Variants in DOCK8 observed in about 807,000 individuals in gnomAD.
DOCK8 encodes dedicator of cytokinesis 8.
In DOCK8, 141 loss-of-function variants were observed where a neutral mutation model predicts 245.6. That is an observed-to-expected ratio of 0.57 (90% CI 0.50 to 0.66). DOCK8 has a LOEUF of 0.66. Among genes scored for constraint, DOCK8 ranks in the 30% least tolerant of loss-of-function variants. DOCK8 has a pLI of 0.00. For synonymous variants in DOCK8, 1,168 were observed against 970.2 expected (o/e 1.20, Z -3.79); for missense variants, 2,965 against 2,603.4 (o/e 1.14, Z -3.02).
In DOCK8 at chr9:418,183, A is replaced by T. The variant is rs756267297; in HGVS notation, c.3816A>T (p.Thr1272=). Reference sequence around the variant, plus strand: ...CAGGGAATAATTTCAATTTGAAAACAAGTGGAATAGTGCTGTCTTCCTTGG... The same window carrying T: ...CAGGGAATAATTTCAATTTGAAAACTAGTGGAATAGTGCTGTCTTCCTTGG... ...AIAGNNFNLK[T]SGIVLSSLPY... is the part of the protein sequence containing the mutation. The change falls in exon 30 of 48, where the codon ACA becomes ACT. Residue 1272 remains threonine, a synonymous_variant. Coordinates refer to ENST00000432829, the MANE Select transcript of DOCK8 (RefSeq NM_203447.4). The T allele has an allele frequency of 3.7e-6, 6 of 1,614,098 alleles. No homozygotes were observed.
At chr9:285,148 T>G (rs1482044133) in intron 2 of DOCK8, among the ~76,000 whole-genome samples, 2 of 152,102 alleles carry the variant, frequency 1.3e-5, no homozygotes, top group Non-Finnish European at 2.9e-5. Flanking sequence ...ATTTGCAGCT[T>G]CATCCTCACT....
intron 13 of DOCK8, 61 bp from the exon 14 acceptor site, chr9:340,098 T>C: frequency 6.3e-7 from 1 of 1,575,356 alleles, no homozygotes. Context: ...CAACAATCTT[T>C]CTTGATTCCC....
At chr9:400,088 C>T (rs1179508770) in intron 26 of DOCK8, among the ~76,000 whole-genome samples, 14 of 112,260 alleles carry the variant, frequency 1.2e-4, no homozygotes, top group African/African-American at 3.5e-4. Context: ...ACCACCACCT[C>T]CACCATCACC....
chr9:276,756 A>G (rs1171835181), intron 2 of DOCK8, among the ~76,000 whole-genome samples: 2 of 152,238 alleles, frequency 1.3e-5, no homozygotes, highest in Admixed American at 6.5e-5. Flanking sequence ...AAACAAGTCT[A>G]TAATCAGTAC....
intron 33 of DOCK8, among the ~76,000 whole-genome samples, chr9:422,686 G>A (rs545517518): frequency 8.5e-5 from 13 of 152,296 alleles, no homozygotes; most frequent in African/African-American, 3.1e-4. Flanking sequence ...AACAAAGGCA[G>A]GGTAGACACT....
upstream of DOCK8, chr9:214,616 C>A: frequency 6.2e-7 from 1 of 1,613,706 alleles, no homozygotes; most frequent in South Asian, 1.1e-5. Context: ...AGCTTCCGGC[C>A]TGCGCGCAGT....
intron 31 of DOCK8, 73 bp from the exon 32 acceptor site, chr9:420,876 A>T: frequency 6.3e-7 from 1 of 1,584,156 alleles, no homozygotes; most frequent in Non-Finnish European, 8.7e-7. Flanking sequence ...TGTGGAGTGT[A>T]CTGTTTTGGT....
At chr9:234,542 C>T (rs1185899624) in intron 1 of DOCK8, among the ~76,000 whole-genome samples, 5 of 152,182 alleles carry the variant, frequency 3.3e-5, no homozygotes, top group African/African-American at 4.8e-5. Flanking sequence ...ACCAATCAGA[C>T]GTAGATTTGG....
At chr9:337,619 G>C (rs1324689805) in intron 12 of DOCK8, among the ~76,000 whole-genome samples, 1 of 151,800 alleles carries the variant, frequency 6.6e-6, no homozygotes. Flanking sequence ...ATTCCAGATG[G>C]TACTCTTTGT....
At chr9:333,295 A>G (rs2051114684) in intron 10 of DOCK8, among the ~76,000 whole-genome samples, 1 of 152,272 alleles carries the variant, frequency 6.6e-6, no homozygotes, top group African/African-American at 2.4e-5. Flanking sequence ...AAAGATTCCC[A>G]GTGTGATTTT....
In DOCK8 at chr9:372,183, A is replaced by C; in HGVS notation, c.2008-2A>C. On this transcript the variant is annotated splice_acceptor_variant, in intron 17 of 47. Transcript: ENST00000432829. LOFTEE classifies it high-confidence loss of function. The stretch of plus-strand genomic sequence containing the variant: ...CTTTATTATTTACATCATCTGTTTC[A>C]GTGGCTGCCAATTCTCTTAAATGAA... 1 of 1,613,220 alleles carries C rather than the reference A, an allele frequency of 6.2e-7. No homozygotes were observed. The highest frequency in any genetic ancestry group is 8.5e-7 in the Non-Finnish European group (1 of 1,179,280).
chr9:325,698 T>C lies in DOCK8; in HGVS notation c.855T>C (p.Phe285=). Residue 285 remains phenylalanine, a synonymous_variant, in exon 8 of 48, where the codon TTT becomes TTC. Transcript: ENST00000432829. The stretch of plus-strand genomic sequence containing the variant: ...TCGAGATTGAAATTGAGCCCCTGTT[T>C]GCCAGCATTGCCCTCTACGATGTTA... ...LKFEIEIEPL[F]ASIALYDVKE... 1 of 1,614,144 alleles carries C rather than the reference T, an allele frequency of 6.2e-7. No individual in the cohort carries two copies. The highest frequency in any genetic ancestry group is 1.3e-5 in the African/African-American group (1 of 75,058).
intron 24 of DOCK8, among the ~76,000 whole-genome samples, chr9:392,319 G>A (rs1330302697): frequency 6.6e-6 from 1 of 152,074 alleles, no homozygotes; most frequent in African/African-American, 2.4e-5. Flanking sequence ...AAGCAATGTG[G>A]AATAGAGTTC....
intron 29 of DOCK8, among the ~76,000 whole-genome samples, chr9:416,833 G>T (rs2056040778): frequency 6.6e-6 from 1 of 152,202 alleles, no homozygotes; most frequent in Non-Finnish European, 1.5e-5. Context: ...GCACATGTTT[G>T]TATCTTTCCC....
chr9:250,091 A>G (rs1455178693), intron 1 of DOCK8, among the ~76,000 whole-genome samples: 1 of 152,134 alleles, frequency 6.6e-6, no homozygotes, highest in East Asian at 1.9e-4. Flanking sequence ...TGTATTCCAC[A>G]TACTAGGGAT....
At chr9:257,845 G>T (rs540721615) in intron 1 of DOCK8, among the ~76,000 whole-genome samples, 1 of 152,308 alleles carries the variant, frequency 6.6e-6, no homozygotes, top group South Asian at 2.1e-4. Flanking sequence ...ACAGATAGCT[G>T]GGCCCATCCC....
At chr9:428,315 TTG>T (rs754645151) in intron 34 of DOCK8, 45 bp from the exon 35 acceptor site, 2 of 1,613,300 alleles carry the variant, frequency 1.2e-6, no homozygotes, top group African/African-American at 1.3e-5. Context: ...ATCCAGTTCA[TTG>T]GCACAGTGCA....
At chr9:221,819 C>G (rs1233971732) in intron 1 of DOCK8, among the ~76,000 whole-genome samples, 1 of 149,468 alleles carries the variant, frequency 6.7e-6, no homozygotes, top group Non-Finnish European at 1.5e-5. Flanking sequence ...GAGACTCTGT[C>G]TCATTAAAAA....
chr9:420,809 T>C, intron 31 of DOCK8, 140 bp from the exon 32 acceptor site: 1 of 1,316,728 alleles, frequency 7.6e-7, no homozygotes, highest in Non-Finnish European at 1.1e-6. Flanking sequence ...TTTTGGCCCA[T>C]AGGATGCTCC....
Sources: allele counts gnomAD v4.1 joint callset (sites outside exome capture counted in the v4.1 genomes callset), GRCh38; gene constraint gnomAD v4.1.1; transcripts MANE v1.5; gene names NCBI Gene and HGNC (gene_info 2026-07-23, HGNC 2026-07-21).